EYS: variants seen among roughly 807,000 people sequenced by gnomAD.
EYS encodes protein eyes shut homolog.
Under a neutral mutation model 282.1 loss-of-function variants are expected in EYS, and 250 were observed. The ratio of observed to expected loss-of-function variants is 0.89; its 90% CI spans 0.80 to 0.98. The LOEUF (loss-of-function observed/expected upper bound fraction) is 0.98. EYS is among the 50% of genes least tolerant of loss of function. The pLI is 0.00. For synonymous variants in EYS, 1,355 were observed against 1,282.9 expected, an observed-to-expected ratio of 1.06 and a Z score of -1.20; for missense variants, 4,016 against 3,709.0, an observed-to-expected ratio of 1.08 and a Z score of -2.15.
At chr6:64,454,752 T>G (rs567542985) in intron 26 of EYS, among the ~76,000 whole-genome samples, 21 of 152,274 alleles carry the variant, frequency 1.4e-4, no homozygotes, top group African/African-American at 4.6e-4. Flanking sequence ...TTGGTGTGTG[T>G]GGGAATTTTG....
intron 31 of EYS, among the ~76,000 whole-genome samples, chr6:64,125,147 A>ACTCTCTCTCTCTCTCTCT: frequency 6.8e-6 from 1 of 147,236 alleles, no homozygotes; most frequent in Admixed American, 6.7e-5. Flanking sequence ...ACACACACAC[A>ACTCTCTCTCTCTCTCTCT]CTCTCTGTCT....
intron 12 of EYS, among the ~76,000 whole-genome samples, chr6:65,262,287 A>T (rs1247612632): frequency 6.6e-6 from 1 of 152,130 alleles, no homozygotes; most frequent in African/African-American, 2.4e-5. Flanking sequence ...TTCTCAATAC[A>T]TTACATGTCA....
intron 12 of EYS, among the ~76,000 whole-genome samples, chr6:65,076,854 A>T (rs1774069868): frequency 6.6e-6 from 1 of 152,098 alleles, no homozygotes; most frequent in Middle Eastern, 3.4e-3. Flanking sequence ...ATTCATTGAT[A>T]ATGACTATCA....
chr6:65,281,772 C>A (rs1404978008), intron 12 of EYS, among the ~76,000 whole-genome samples: 3 of 152,058 alleles, frequency 2.0e-5, no homozygotes, highest in Admixed American at 6.6e-5. Flanking sequence ...TTTGAAAGCT[C>A]ATAACAGATG....
chr6:64,935,839 G>A (rs535661225), intron 15 of EYS, among the ~76,000 whole-genome samples: 1 of 151,654 alleles, frequency 6.6e-6, no homozygotes, highest in Non-Finnish European at 1.5e-5. Context: ...AAGTACATGA[G>A]TAGATTGCTT....
intron 35 of EYS, among the ~76,000 whole-genome samples, chr6:63,966,975 G>A (rs1174252350): frequency 6.6e-6 from 1 of 152,012 alleles, no homozygotes; most frequent in Non-Finnish European, 1.5e-5. Flanking sequence ...TTTTCCTTTT[G>A]GTACATACTT....
At chr6:63,770,259 T>C (rs1769897194) in intron 40 of EYS, among the ~76,000 whole-genome samples, 1 of 152,068 alleles carries the variant, frequency 6.6e-6, no homozygotes, top group African/African-American at 2.4e-5. Context: ...ATATAATCTC[T>C]GCTTAGCCTA....
rs34826658 is a variant in EYS, at chr6:64,942,827, CA to C, written c.2381+2965del. 1.8e-3 allele frequency among the ~76,000 whole-genome samples: 173 copies of C among 94,312 alleles called. No homozygotes were observed. The East Asian group carries it at 0.019, about 10-fold the overall frequency. The allele number at this position is 94,312 out of a possible 152,430, so 61.9% of individuals were successfully genotyped here. A position where few individuals can be genotyped will look rare whatever the true frequency, so the allele number is the denominator to read the frequency against. ...GGTACCCATTCTACTGTAACTCTTC[CA>C]AAAAAAAAAAAAAAACAAAAATGAA... On this transcript the variant is annotated intron_variant, in intron 15 of 42. Transcript: ENST00000503581.
intron 31 of EYS, among the ~76,000 whole-genome samples, chr6:64,120,508 A>G (rs1306956059): frequency 6.6e-6 from 1 of 152,078 alleles, no homozygotes; most frequent in African/African-American, 2.4e-5. Context: ...TTTTAATGAA[A>G]TCAAATAGAA....
chr6:63,916,909 AT>A (rs1178831193), intron 35 of EYS, among the ~76,000 whole-genome samples: 6 of 152,228 alleles, frequency 3.9e-5, no homozygotes, highest in African/African-American at 1.4e-4. Context: ...GGTGCTGTGT[AT>A]TTACCCCACA....
intron 32 of EYS, among the ~76,000 whole-genome samples, chr6:64,073,754 TTA>T (rs532848543): frequency 3.2e-4 from 48 of 151,564 alleles, no homozygotes; most frequent in African/African-American, 1.2e-3. Context: ...ATGTGAATCT[TTA>T]TATATATGTG....
chr6:64,138,937 T>A (rs186881829), intron 31 of EYS, among the ~76,000 whole-genome samples: 24 of 152,286 alleles, frequency 1.6e-4, no homozygotes, highest in African/African-American at 5.8e-4. Context: ...TATATCCTAC[T>A]TCTCAAAGAT....
chr6:64,487,856 T>C (rs917001484), intron 26 of EYS, among the ~76,000 whole-genome samples: 4 of 151,174 alleles, frequency 2.6e-5, no homozygotes, highest in Admixed American at 1.3e-4. Context: ...AATAGAAATA[T>C]AAAAGTAGTT....
intron 35 of EYS, among the ~76,000 whole-genome samples, chr6:63,952,388 G>A (rs569319814): frequency 6.6e-6 from 1 of 152,204 alleles, no homozygotes; most frequent in African/African-American, 2.4e-5. Flanking sequence ...AAGCCTCCTG[G>A]ACCATCACAG....
intron 12 of EYS, among the ~76,000 whole-genome samples, chr6:65,208,815 A>G (rs1766101063): frequency 6.6e-6 from 1 of 151,810 alleles, no homozygotes; most frequent in Admixed American, 6.6e-5. Context: ...GAGGGGATTG[A>G]TGCTTAAAAA....
chr6:64,652,626 A>G (rs1314858666), intron 22 of EYS, among the ~76,000 whole-genome samples: 1 of 152,210 alleles, frequency 6.6e-6, no homozygotes, highest in Non-Finnish European at 1.5e-5. Context: ...CTAGTCTACA[A>G]AAACTGTGAG....
chr6:64,587,523 G>T (rs1349100305), intron 26 of EYS, among the ~76,000 whole-genome samples: 7 of 151,996 alleles, frequency 4.6e-5, no homozygotes, highest in East Asian at 1.9e-4. Context: ...TTTTTATAAA[G>T]ATTATTTCCA....
chr6:64,345,137 T>C (rs1423699414), intron 29 of EYS, among the ~76,000 whole-genome samples: 1 of 152,124 alleles, frequency 6.6e-6, no homozygotes, highest in African/African-American at 2.4e-5. Flanking sequence ...AAGTAATTTA[T>C]AGATTCAATG....
At chr6:65,126,394 C>T (rs1293444541) in intron 12 of EYS, among the ~76,000 whole-genome samples, 1 of 152,130 alleles carries the variant, frequency 6.6e-6, no homozygotes, top group Non-Finnish European at 1.5e-5. Context: ...TCAATGCTAA[C>T]TCTAAATTTG....
Sources: gnomAD v4.1 joint callset for allele counts (sites outside exome capture counted in the v4.1 genomes callset) on GRCh38, gnomAD v4.1.1 for gene constraint, MANE v1.5 for transcripts, NCBI Gene and HGNC (gene_info 2026-07-23, HGNC 2026-07-21) for gene names.